Variants in ADGRB1 observed in about 807,000 individuals in gnomAD.
ADGRB1 encodes the protein adhesion G protein-coupled receptor B1.
A neutral mutation model predicts 175.7 loss-of-function variants in ADGRB1; 36 were observed. The observed-to-expected ratio is 0.20, with a 90% CI of 0.16 to 0.27. ADGRB1 has a LOEUF of 0.27. Ranked by LOEUF, ADGRB1 falls within the 10% of genes least tolerant of loss-of-function variation. ADGRB1 has a pLI of 1.00. For missense variants in ADGRB1, 1,731 were observed against 2,255.3 expected, an observed-to-expected ratio of 0.77 and a Z score of 4.71; for synonymous variants, 1,054 against 979.4, an observed-to-expected ratio of 1.08 and a Z score of -1.42.
intron 18 of ADGRB1, among the ~76,000 whole-genome samples, chr8:142,513,474 G>A (rs1034904342): frequency 7.2e-5 from 11 of 152,044 alleles, no homozygotes; most frequent in Middle Eastern, 3.2e-3. Flanking sequence ...GCAGGGAGAG[G>A]CCAAGAGTGA....
chr8:142,529,668 CTG>C (rs1200618812), intron 24 of ADGRB1, among the ~76,000 whole-genome samples: 3 of 139,006 alleles, frequency 2.2e-5, no homozygotes, highest in Non-Finnish European at 4.6e-5. Context: ...GAGTGTGCAT[CTG>C]TGTGTACCTG....
At chr8:142,533,140 C>A (rs1361807931) in intron 24 of ADGRB1, among the ~76,000 whole-genome samples, 155 bp from the exon 25 acceptor site, 1 of 152,080 alleles carries the variant, frequency 6.6e-6, no homozygotes, top group South Asian at 2.1e-4. Flanking sequence ...GGGAGACTCA[C>A]CCCAGAGAGG....
intron 19 of ADGRB1, among the ~76,000 whole-genome samples, chr8:142,520,151 GAT>G (rs1843700871): frequency 8.3e-6 from 1 of 120,662 alleles, no homozygotes; most frequent in African/African-American, 3.6e-5. Flanking sequence ...GTGATGGTGT[GAT>G]GGTGGTGGTA....
intron 17 of ADGRB1, among the ~76,000 whole-genome samples, chr8:142,494,767 G>C (rs116087338): frequency 2.3e-3 from 350 of 151,806 alleles, no homozygotes; most frequent in African/African-American, 7.9e-3. Flanking sequence ...CTGAACGCTG[G>C]CCTGGCAGCA....
chr8:142,508,441 G>A (rs1435511790), intron 17 of ADGRB1, among the ~76,000 whole-genome samples: 1 of 152,186 alleles, frequency 6.6e-6, no homozygotes, highest in Non-Finnish European at 1.5e-5. Flanking sequence ...TGGAGCACCA[G>A]GACTTTCCAG....
intron 24 of ADGRB1, among the ~76,000 whole-genome samples, chr8:142,527,536 C>T (rs1353064354): frequency 4.0e-5 from 6 of 151,868 alleles, no homozygotes; most frequent in African/African-American, 7.3e-5. Flanking sequence ...ATGCTGAGTG[C>T]GTGCCATGGC....
chr8:142,449,687 G>A lies in ADGRB1; in HGVS notation c.-637G>A, dbSNP rs913819544. On this transcript the variant is annotated 5_prime_UTR_variant, in exon 1 of 31. Coordinates refer to ENST00000517894, the MANE Select transcript of ADGRB1 (RefSeq NM_001702.3). ...CAGGCGAGAGGAGCGGAGCGGCGGCGGCGGCCGGAGAGGGAGCGGCGGGCG... is the reference window on the plus strand; with the variant it reads ...CAGGCGAGAGGAGCGGAGCGGCGGCAGCGGCCGGAGAGGGAGCGGCGGGCG... The A allele has an allele frequency of 4.0e-5, 6 of 149,104 alleles. No individual in the cohort carries two copies. The highest frequency in any genetic ancestry group is 9.8e-5 in the African/African-American group (4 of 40,810). The allele number at this position is 149,104 out of a possible 1,614,324, so 9.2% of individuals were successfully genotyped here. A position where few individuals can be genotyped will look rare whatever the true frequency, so the allele number is the denominator to read the frequency against.
chr8:142,516,274 C>A (rs1169438324), intron 18 of ADGRB1, among the ~76,000 whole-genome samples: 1 of 128,918 alleles, frequency 7.8e-6, no homozygotes, highest in African/African-American at 3.1e-5. Context: ...CTGTGCGGGC[C>A]CCAGTTGCGT....
intron 1 of ADGRB1, among the ~76,000 whole-genome samples, chr8:142,451,039 G>A (rs936345275): frequency 2.6e-5 from 4 of 152,174 alleles, no homozygotes; most frequent in African/African-American, 9.6e-5. Flanking sequence ...CTCGAGGAAC[G>A]AGCACGGCCC....
Position 142,533,284 on chromosome 8 carries a change from T to A in ADGRB1, c.3399-11T>A, listed in dbSNP as rs1267688979. On this transcript the variant is annotated splice_polypyrimidine_tract_variant and intron_variant, in intron 24 of 30. Coordinates refer to ENST00000517894, the MANE Select transcript of ADGRB1 (RefSeq NM_001702.3). ...GGCGGGGGCGGCAGCGCTGACACCC[T>A]CCATCCCCAGGGCCTCCCTGTGGAG... 1 of 1,509,174 alleles carries A rather than the reference T, an allele frequency of 6.6e-7. No homozygotes were observed. Among genetic ancestry groups the A allele is most frequent in the Admixed American group, 2.0e-5 (1 of 49,922 alleles). The allele number at this position is 1,509,174 out of a possible 1,614,324, so 93.5% of individuals were successfully genotyped here.
intron 27 of ADGRB1, among the ~76,000 whole-genome samples, chr8:142,540,655 C>T (rs1845215854): frequency 6.6e-6 from 1 of 152,146 alleles, no homozygotes; most frequent in Admixed American, 6.5e-5. Flanking sequence ...GCTCGTTCTG[C>T]CTTGTGGGGA....
chr8:142,518,791 C>A (rs1369618040), intron 19 of ADGRB1, among the ~76,000 whole-genome samples: 1 of 152,250 alleles, frequency 6.6e-6, no homozygotes, highest in Non-Finnish European at 1.5e-5. Flanking sequence ...CAGGCACTCC[C>A]CGCTATCTGC....
At position 142,484,148 on chromosome 8, in the gene ADGRB1, C is replaced by T. The variant is rs1439383440; in HGVS notation, c.2199+103C>T. 7 of 1,014,496 alleles carry T rather than the reference C, an allele frequency of 6.9e-6. No homozygotes were observed. The Admixed American group carries it at 9.3e-5, about 13-fold the overall frequency. The allele number at this position is 1,014,496 out of a possible 1,614,324, so 62.8% of individuals were successfully genotyped here. ...GCCTGGGGTGGGGTCCCGCCGGGTG[C>T]TCTGGGTTTGGATCTCAGGATGGTC... On this transcript the variant is annotated intron_variant, in intron 12 of 30. Transcript: ENST00000517894.
rs376806070 is a variant in ADGRB1 at position 142,504,993 on chromosome 8, C to A, written c.2676-5939C>A. Among the ~76,000 whole-genome samples, 23 of 145,750 alleles carry A rather than the reference C, an allele frequency of 1.6e-4. No individual in the cohort carries two copies. Among genetic ancestry groups the A allele is most frequent in the African/African-American group, 5.8e-4 (23 of 39,522 alleles). On this transcript the variant is annotated intron_variant, in intron 17 of 30. Coordinates refer to ENST00000517894, the MANE Select transcript of ADGRB1 (RefSeq NM_001702.3). The surrounding 1 kb of genome is among the most constrained non-coding windows in gnomAD (Gnocchi z 5.6). Reference sequence around the variant, plus strand: ...CAAGGGGACCCCGACAGCGCACAGTCCCATAATAGCACCTGCTTCGTGGGC... The same window carrying A: ...CAAGGGGACCCCGACAGCGCACAGTACCATAATAGCACCTGCTTCGTGGGC...
In ADGRB1 at chr8:142,542,178, C is replaced by G; in HGVS notation, c.3944C>G (p.Pro1315Arg). 6.2e-7 allele frequency: 1 copy of G among 1,613,720 alleles called. No homozygotes were observed. The highest frequency in any genetic ancestry group is 8.5e-7 in the Non-Finnish European group (1 of 1,179,824). ...HSLTLKRDKA[P>R]KSSFVGDGDI... is the part of the protein sequence containing the mutation. The stretch of plus-strand genomic sequence containing the variant: ...CTGACCCTCAAGAGGGACAAGGCGC[C>G]CAAGTCCTCCTTCGTCGGTGACGGG... Residue 1315 changes from proline to arginine, a missense_variant, in exon 28 of 31, where the codon CCC (proline) becomes CGC (arginine). Physicochemically the swap from Pro to Arg is moderately radical, Grantham distance 103. Around this residue, in one of 8 missense-constraint regions of ADGRB1, gnomAD observed 394 missense variants for 410.2 expected, o/e 0.96. Coordinates refer to ENST00000517894, the MANE Select transcript of ADGRB1 (RefSeq NM_001702.3). The surrounding 1 kb of genome is among the most constrained non-coding windows in gnomAD (Gnocchi z 6.3).
intron 1 of ADGRB1, among the ~76,000 whole-genome samples, chr8:142,452,818 G>A (rs1183428862): frequency 6.6e-6 from 1 of 151,494 alleles, no homozygotes; most frequent in African/African-American, 2.4e-5. Flanking sequence ...CGCGGAGCCC[G>A]TCCTCCGGGG....
At chr8:142,498,942 G>A (rs1358094831) in intron 17 of ADGRB1, among the ~76,000 whole-genome samples, 5 of 152,128 alleles carry the variant, frequency 3.3e-5, no homozygotes, top group Admixed American at 6.5e-5. Context: ...CTGCCTCCCC[G>A]GGGCCCCAGC....
chr8:142,457,738 G>A (rs956006841), intron 1 of ADGRB1, among the ~76,000 whole-genome samples: 7 of 152,156 alleles, frequency 4.6e-5, no homozygotes, highest in African/African-American at 1.7e-4. Context: ...TCGGGGGGAG[G>A]CTATCTCGGC....
At chr8:142,536,772 G>C (rs556265567) in intron 25 of ADGRB1, among the ~76,000 whole-genome samples, 1 of 152,172 alleles carries the variant, frequency 6.6e-6, no homozygotes, top group South Asian at 2.1e-4. Context: ...CAGGAGAGGG[G>C]TAGGCTGTTC....
Sources: allele counts gnomAD v4.1 joint callset (sites outside exome capture counted in the v4.1 genomes callset), GRCh38; gene constraint gnomAD v4.1.1; regional missense constraint gnomAD v4.1.1; non-coding constraint Gnocchi (gnomAD v3.1); transcripts MANE v1.5; gene names NCBI Gene and HGNC (gene_info 2026-07-23, HGNC 2026-07-21).